Variants in TOM1 observed in about 807,000 individuals in gnomAD.
TOM1 encodes target of Myb protein 1.
In TOM1, 38 loss-of-function variants were observed where a neutral mutation model predicts 61.3. The observed-to-expected ratio is 0.62, with a 90% CI of 0.48 to 0.81. TOM1 has a LOEUF of 0.81. TOM1 is among the 40% of genes least tolerant of loss of function. The probability of loss-of-function intolerance (pLI) is 0.00; values close to 1 mark genes in which losing one functional copy is unlikely to be tolerated. For synonymous variants in TOM1, 270 were observed against 268.8 expected, an observed-to-expected ratio of 1.00 and a Z score of -0.04; for missense variants, 591 against 659.6, an observed-to-expected ratio of 0.90 and a Z score of 1.14.
chr22:35,340,357 G>C (rs189936777), intron 12 of TOM1, among the ~76,000 whole-genome samples: 1 of 152,166 alleles, frequency 6.6e-6, no homozygotes, highest in South Asian at 2.1e-4. Context: ...GGCTAGGAGC[G>C]CTGCAGATTG....
At chr22:35,302,088 G>T (rs935501966) in intron 1 of TOM1, among the ~76,000 whole-genome samples, 3 of 152,112 alleles carry the variant, frequency 2.0e-5, no homozygotes, top group Non-Finnish European at 4.4e-5. Flanking sequence ...CCTTTCTTGG[G>T]CAAGAAATAC....
At position 35,327,635 on chromosome 22, in the gene TOM1, A is replaced by G. The variant is rs139066487; in HGVS notation, c.765+248A>G. 3.3e-3 allele frequency among the ~76,000 whole-genome samples: 509 copies of G among 152,326 alleles called. 2 individuals carry two copies. The highest frequency in any genetic ancestry group is 0.012 in the African/African-American group (488 of 41,568). On this transcript the variant is annotated intron_variant, in intron 7 of 14. Coordinates refer to ENST00000449058, the MANE Select transcript of TOM1 (RefSeq NM_005488.3). ...TCCTCATCTGTAAGATTGCTCTAAC[A>G]ATAGCCTTCATGGCACAAGTTTGAT... is the stretch of plus-strand genomic sequence containing the variant.
intron 1 of TOM1, among the ~76,000 whole-genome samples, chr22:35,301,370 A>G (rs80067987): frequency 0.013 from 1,915 of 152,300 alleles, 40 homozygotes; most frequent in African/African-American, 0.044. Context: ...AGTGAAGGTT[A>G]GGAATCCCTG....
At chr22:35,328,048 CAG>C (rs1458412294) in intron 7 of TOM1, among the ~76,000 whole-genome samples, 1 of 152,222 alleles carries the variant, frequency 6.6e-6, no homozygotes, top group African/African-American at 2.4e-5. Flanking sequence ...CATGAGGAGA[CAG>C]AGCGCTTCGT....
chr22:35,322,984 T>C, intron 3 of TOM1, 44 bp from the exon 4 acceptor site: 1 of 1,606,016 alleles, frequency 6.2e-7, no homozygotes, highest in Non-Finnish European at 8.5e-7. Flanking sequence ...GAGCACCTCC[T>C]CTCCTCTGAC....
chr22:35,331,400 C>T (rs1363398099), intron 8 of TOM1: 1 of 443,212 alleles, frequency 2.3e-6, no homozygotes, highest in South Asian at 1.6e-5. Context: ...GCATGAGCCA[C>T]CACACCCACC....
At chr22:35,331,101 T>TG (rs1928802069) in intron 8 of TOM1, among the ~76,000 whole-genome samples, 3 of 149,510 alleles carry the variant, frequency 2.0e-5, no homozygotes, top group Admixed American at 2.0e-4. Context: ...ACCTTTTTTT[T>TG]TTTTTTTTTT....
At chr22:35,335,313 T>G (rs1929212599) in intron 11 of TOM1, among the ~76,000 whole-genome samples, 1 of 152,198 alleles carries the variant, frequency 6.6e-6, no homozygotes, top group Non-Finnish European at 1.5e-5. Context: ...ACTTTGTCAA[T>G]GGGCCTCCAG....
intron 12 of TOM1, among the ~76,000 whole-genome samples, chr22:35,340,437 A>G (rs1470860845): frequency 6.6e-6 from 1 of 151,878 alleles, no homozygotes; most frequent in Non-Finnish European, 1.5e-5. Flanking sequence ...AATCTGAAAG[A>G]TCAGGATGGA....
chr22:35,324,984 G>C (rs1413770733), intron 6 of TOM1, among the ~76,000 whole-genome samples: 2 of 152,180 alleles, frequency 1.3e-5, no homozygotes, highest in Non-Finnish European at 2.9e-5. Flanking sequence ...TGGCCCACTG[G>C]GCCATGAGCT....
chr22:35,302,732 G>A (rs1925952201), intron 1 of TOM1, among the ~76,000 whole-genome samples: 1 of 152,218 alleles, frequency 6.6e-6, no homozygotes, highest in African/African-American at 2.4e-5. Context: ...AGAGGGGAAA[G>A]TGGAGGCTGT....
At chr22:35,345,636 C>A in intron 12 of TOM1, 89 bp from the exon 13 acceptor site, 1 of 1,398,966 alleles carries the variant, frequency 7.1e-7, no homozygotes, top group African/African-American at 1.4e-5. Context: ...GGGAGGCTGC[C>A]CAGGGCCACC....
At chr22:35,328,079 A>G (rs1352664321) in intron 7 of TOM1, among the ~76,000 whole-genome samples, 1 of 152,172 alleles carries the variant, frequency 6.6e-6, no homozygotes, top group Non-Finnish European at 1.5e-5. Context: ...TCGAGTTCCT[A>G]CTGCTCGTCC....
At chr22:35,341,009 CA>C (rs1291440895) in intron 12 of TOM1, among the ~76,000 whole-genome samples, 3 of 152,138 alleles carry the variant, frequency 2.0e-5, no homozygotes, top group Non-Finnish European at 4.4e-5. Context: ...TGTGACCTGC[CA>C]CCAAGCACAG....
At chr22:35,317,710 T>C (rs896448265) in intron 1 of TOM1, among the ~76,000 whole-genome samples, 167 bp from the exon 2 acceptor site, 1 of 151,944 alleles carries the variant, frequency 6.6e-6, no homozygotes, top group African/African-American at 2.4e-5. Context: ...TGGGACAATG[T>C]GTATAGAGCA....
chr22:35,330,560 A>T (rs1928755188), intron 8 of TOM1, 80 bp downstream of exon 8: 1 of 1,393,922 alleles, frequency 7.2e-7, no homozygotes, highest in Non-Finnish European at 9.7e-7. Context: ...TCCTGGTCTC[A>T]TGCCATCTGA....
At chr22:35,324,545 G>T (rs931141744) in intron 6 of TOM1, among the ~76,000 whole-genome samples, 2 of 152,078 alleles carry the variant, frequency 1.3e-5, no homozygotes, top group Middle Eastern at 3.4e-3. Context: ...TCTCAAGAAG[G>T]TCTGAAGCTT....
chr22:35,343,229 C>A (rs1194207299), intron 12 of TOM1, among the ~76,000 whole-genome samples: 1 of 146,720 alleles, frequency 6.8e-6, no homozygotes, highest in African/African-American at 2.5e-5. Flanking sequence ...ACACACCACA[C>A]ACACATCTAC....
At chr22:35,343,832 A>C (rs1930249712) in intron 12 of TOM1, among the ~76,000 whole-genome samples, 1 of 144,108 alleles carries the variant, frequency 6.9e-6, no homozygotes, top group Non-Finnish European at 1.5e-5. Context: ...ACACACCTAC[A>C]TTCATACACC....
Sources: gnomAD v4.1 joint callset for allele counts (sites outside exome capture counted in the v4.1 genomes callset) on GRCh38, gnomAD v4.1.1 for gene constraint, MANE v1.5 for transcripts, NCBI Gene and HGNC (gene_info 2026-07-23, HGNC 2026-07-21) for gene names.